The following DCP1B variants were observed in gnomAD, a reference collection of about 807,000 sequenced individuals.
DCP1B encodes mRNA-decapping enzyme 1B.
A neutral mutation model predicts 60.5 loss-of-function variants in DCP1B; 47 were observed. The observed-to-expected ratio is 0.78, with a 90% CI of 0.61 to 0.99. DCP1B has a LOEUF of 0.99. Among genes scored for constraint, DCP1B ranks in the 50% least tolerant of loss-of-function variants. The pLI is 0.00. For synonymous variants in DCP1B, 267 were observed against 280.3 expected, an observed-to-expected ratio of 0.95 and a Z score of 0.47; for missense variants, 725 against 756.8, an observed-to-expected ratio of 0.96 and a Z score of 0.49.
intron 8 of DCP1B, among the ~76,000 whole-genome samples, chr12:1,946,704 T>C (rs1051753785): frequency 1.3e-5 from 2 of 152,136 alleles, no homozygotes; most frequent in African/African-American, 2.4e-5. Flanking sequence ...TTGTTTCTTG[T>C]TTTTTGGGTT....
At chr12:1,950,441 A>T (rs1289710732) in intron 7 of DCP1B, 4 of 700,726 alleles carry the variant, frequency 5.7e-6, no homozygotes, top group Non-Finnish European at 1.0e-5. Context: ...GCATGCTTCT[A>T]ATTCTAAATC....
intron 5 of DCP1B, among the ~76,000 whole-genome samples, chr12:1,957,842 A>G (rs1416270957): frequency 1.3e-5 from 2 of 152,276 alleles, no homozygotes. Context: ...CCTGTAAACT[A>G]GACAGACTTC....
At position 1,948,310 on chromosome 12, in the gene DCP1B, C is replaced by T. The variant is rs1293848629; in HGVS notation, c.1773+776G>A. Among the ~76,000 whole-genome samples the T allele has an allele frequency of 3.9e-5, 6 of 152,180 alleles. No individual in the cohort carries two copies. Among genetic ancestry groups the T allele is most frequent in the Non-Finnish European group, 5.9e-5 (4 of 68,036 alleles). On this transcript the variant is annotated intron_variant, in intron 8 of 8. Transcript: ENST00000280665. The surrounding 1 kb of genome is among the most constrained non-coding windows in gnomAD (Gnocchi z 4.8). ...ACGGGAGAGTACGTGGGAAGTGGCA[C>T]TCGGGGGCCAGGCTGGGTGCATCCC...
At chr12:1,950,216 C>A in intron 7 of DCP1B, 1 of 628,292 alleles carries the variant, frequency 1.6e-6, no homozygotes, top group South Asian at 1.8e-5. Flanking sequence ...CAAAAGTTGG[C>A]CTAGAGGAAG....
rs1334989100 is a variant in DCP1B at position 1,952,483 on chromosome 12, G to A, written c.1457C>T (p.Thr486Ile). 1.2e-6 allele frequency: 2 copies of A among 1,613,632 alleles called. No homozygotes were observed. Among genetic ancestry groups the A allele is most frequent in the Admixed American group, 1.7e-5 (1 of 59,966 alleles). The change falls in exon 7 of 9, where the codon ACA becomes ATA. Residue 486 changes from threonine (T) to isoleucine (I), a missense_variant. Coordinates refer to ENST00000280665, the MANE Select transcript of DCP1B (RefSeq NM_152640.5). Reference protein sequence around the residue: ...KFPVLAQSSGTGKPLESWINK... With the variant: ...KFPVLAQSSGIGKPLESWINK... ...GATCCAGGATTCCAAGGGTTTCCCT[G>A]TTCCAGAGCTCTGAGCGAGCACAGG...
At chr12:1,989,972 G>A (rs1386527902) in intron 3 of DCP1B, among the ~76,000 whole-genome samples, 1 of 152,096 alleles carries the variant, frequency 6.6e-6, no homozygotes, top group Non-Finnish European at 1.5e-5. Flanking sequence ...AAAAAAACTT[G>A]CTTTTTAAAC....
In DCP1B at chr12:1,953,919, A is replaced by G. The variant is rs185199976; in HGVS notation, c.652-631T>C. Among the ~76,000 whole-genome samples, 210 of 152,346 alleles carry G rather than the reference A, an allele frequency of 1.4e-3. 1 individual carries two copies. The highest frequency in any genetic ancestry group is 5.0e-3 in the African/African-American group (207 of 41,580). On this transcript the variant is annotated intron_variant, in intron 6 of 8. Transcript: ENST00000280665. ...AACATGAGGCTAGGCACAGTGGCTC[A>G]TGCCTGTAATTCCTGCACTTTGGGA... is the stretch of plus-strand genomic sequence containing the variant.
intron 3 of DCP1B, among the ~76,000 whole-genome samples, chr12:1,977,282 AT>A (rs1233252582): frequency 6.6e-6 from 1 of 152,182 alleles, no homozygotes; most frequent in Non-Finnish European, 1.5e-5. Context: ...ATGAGGGTGA[AT>A]CACACAGTTC....
intron 3 of DCP1B, among the ~76,000 whole-genome samples, chr12:1,975,395 T>G (rs1437542652): frequency 1.3e-5 from 2 of 152,178 alleles, no homozygotes; most frequent in Non-Finnish European, 2.9e-5. Context: ...TATTTGAAAC[T>G]ATTTACTAAA....
intron 4 of DCP1B, 36 bp downstream of exon 4, chr12:1,967,808 C>CTGAAAATATTT: frequency 6.4e-7 from 1 of 1,569,362 alleles, no homozygotes; most frequent in South Asian, 1.1e-5. Context: ...ACAAAAGCAC[C>CTGAAAATATTT]AGGTCCTGAA....
intron 3 of DCP1B, among the ~76,000 whole-genome samples, chr12:1,984,353 A>G (rs1372872344): frequency 6.6e-6 from 1 of 151,656 alleles, no homozygotes; most frequent in Non-Finnish European, 1.5e-5. Flanking sequence ...ATTTTTTAGT[A>G]TTCTATTTTA....
At chr12:1,951,836 G>C (rs973976185) in intron 7 of DCP1B, among the ~76,000 whole-genome samples, 1 of 152,176 alleles carries the variant, frequency 6.6e-6, no homozygotes, top group Admixed American at 6.5e-5. Context: ...AAAAACAAGA[G>C]GAGGTCAGTT....
Position 1,989,441 on chromosome 12 carries a change from G to A in DCP1B, c.319+3823C>T, listed in dbSNP as rs146306766. On this transcript the variant is annotated intron_variant, in intron 3 of 8. Transcript: ENST00000280665. ...GAAAGGGAAAGGAAAGGGGCTGGGCGTGGTGGCTCACGCCTATAATCCCAG... is the reference window on the plus strand; with the variant it reads ...GAAAGGGAAAGGAAAGGGGCTGGGCATGGTGGCTCACGCCTATAATCCCAG... Among the ~76,000 whole-genome samples the A allele has an allele frequency of 5.1e-3, 784 of 152,304 alleles. 5 individuals carry two copies. The highest frequency in any genetic ancestry group is 0.018 in the African/African-American group (730 of 41,580).
At chr12:1,966,578 A>G (rs1245565996) in intron 4 of DCP1B, among the ~76,000 whole-genome samples, 2 of 152,208 alleles carry the variant, frequency 1.3e-5, no homozygotes, top group Non-Finnish European at 2.9e-5. Context: ...GCTAGTAAAT[A>G]ATCAATTTCC....
At chr12:1,976,583 C>T (rs2034435959) in intron 3 of DCP1B, among the ~76,000 whole-genome samples, 2 of 152,122 alleles carry the variant, frequency 1.3e-5, no homozygotes, top group Admixed American at 1.3e-4. Context: ...CTGGGCAGAT[C>T]CCGAAGAGAA....
In DCP1B at chr12:1,949,192, G is replaced by A. The variant is rs1274985666; in HGVS notation, c.1667C>T (p.Ala556Val). The change falls in exon 8 of 9, where the codon GCT becomes GTT. Residue 556 changes from alanine (A) to valine (V), a missense_variant. By Grantham distance (64) the Ala-to-Val change is moderately conservative. Coordinates refer to ENST00000280665, the MANE Select transcript of DCP1B (RefSeq NM_152640.5). ...TATGGGCAGGAGGAGGCTGGTGGCA[G>A]CAGCAGGTGGCTCCTGGCCTCCCAC... ...LPVGGQEPPA[A>V]ATSLLLPIQS... The A allele has an allele frequency of 6.2e-6, 10 of 1,614,060 alleles. No homozygotes were observed. Among genetic ancestry groups the A allele is most frequent in the Admixed American group, 1.7e-5 (1 of 60,010 alleles).
At chr12:1,958,472 G>A (rs2030984852) in intron 5 of DCP1B, among the ~76,000 whole-genome samples, 1 of 140,810 alleles carries the variant, frequency 7.1e-6, no homozygotes, top group African/African-American at 2.7e-5. Flanking sequence ...TCTGGGCAAT[G>A]GCTTTTTCTA....
rs2031192873 is a variant in DCP1B at position 1,963,460 on chromosome 12, C to T, written c.522+2098G>A. Among the ~76,000 whole-genome samples the T allele has an allele frequency of 3.3e-5, 5 of 152,224 alleles. No homozygotes were observed. In the South Asian group the frequency reaches 1.0e-3, roughly 31 times the overall value. On this transcript the variant is annotated intron_variant, in intron 5 of 8. Coordinates refer to ENST00000280665, the MANE Select transcript of DCP1B (RefSeq NM_152640.5). ...TTCATTCCCATTAATTATCAATTTT[C>T]AGAGGAAGGAGTTGGTGCCTTAGCA...
At chr12:1,986,234 A>G (rs2037738075) in intron 3 of DCP1B, among the ~76,000 whole-genome samples, 3 of 152,176 alleles carry the variant, frequency 2.0e-5, no homozygotes, top group Non-Finnish European at 4.4e-5. Context: ...GTTCTGTTAC[A>G]TGTATGTAGC....
Sources: gnomAD v4.1 joint callset for allele counts (sites outside exome capture counted in the v4.1 genomes callset) on GRCh38, gnomAD v4.1.1 for gene constraint, Gnocchi (gnomAD v3.1) non-coding constraint, MANE v1.5 for transcripts, NCBI Gene and HGNC (gene_info 2026-07-23, HGNC 2026-07-21) for gene names.